Variants in WNK2 observed in about 807,000 individuals in gnomAD.
WNK2 encodes the protein serine/threonine-protein kinase WNK2.
Under a neutral mutation model 192.1 loss-of-function variants are expected in WNK2, and 67 were observed. That is an observed-to-expected ratio of 0.35 (90% CI 0.29 to 0.43). The LOEUF is 0.43. WNK2 is among the 20% of genes least tolerant of loss of function. WNK2 has a pLI of 1.00. For missense variants in WNK2, 2,698 were observed against 3,089.7 expected (o/e 0.87, Z 3.01); for synonymous variants, 1,439 against 1,393.9 (o/e 1.03, Z -0.72).
At chr9:93,309,262 T>A in intron 28 of WNK2, 1 of 397,420 alleles carries the variant, frequency 2.5e-6, no homozygotes, top group Non-Finnish European at 3.4e-6. Flanking sequence ...TCTTTAACCT[T>A]AAAATTTATT....
intron 2 of WNK2, among the ~76,000 whole-genome samples, chr9:93,203,415 T>A (rs950209549): frequency 6.6e-6 from 1 of 151,926 alleles, no homozygotes; most frequent in Admixed American, 6.5e-5. Flanking sequence ...AGATTTTCAC[T>A]GAAAGAAAGA....
chr9:93,312,209 A>G (rs1450993310), intron 28 of WNK2, among the ~76,000 whole-genome samples: 2 of 152,220 alleles, frequency 1.3e-5, no homozygotes, highest in Non-Finnish European at 2.9e-5. Flanking sequence ...TGGATGCACG[A>G]AAGTTTTAAA....
intron 2 of WNK2, among the ~76,000 whole-genome samples, chr9:93,211,278 C>A (rs377524778): frequency 2.0e-3 from 52 of 26,502 alleles, no homozygotes; most frequent in South Asian, 5.3e-3. Context: ...ACTCACTCAT[C>A]CACTCACTCA....
chr9:93,221,490 A>G (rs1047557279), intron 2 of WNK2, among the ~76,000 whole-genome samples: 8 of 152,356 alleles, frequency 5.3e-5, no homozygotes, highest in Middle Eastern at 3.4e-3. Context: ...GAAGGTGGAC[A>G]GAACGATGCT....
intron 12 of WNK2, 39 bp from the exon 13 acceptor site, chr9:93,261,775 C>T (rs373965052): frequency 5.9e-5 from 92 of 1,553,368 alleles, no homozygotes; most frequent in Admixed American, 1.9e-4. Context: ...GTGAAGGCAG[C>T]GCCGGCCCTG....
At chr9:93,205,860 C>T (rs1258848816) in intron 2 of WNK2, among the ~76,000 whole-genome samples, 1 of 152,110 alleles carries the variant, frequency 6.6e-6, no homozygotes. Context: ...CCAGTGCCTT[C>T]TGGCAGCCTC....
intron 8 of WNK2, among the ~76,000 whole-genome samples, chr9:93,249,048 C>T (rs1444654499): frequency 6.6e-6 from 1 of 152,206 alleles, no homozygotes; most frequent in Non-Finnish European, 1.5e-5. Flanking sequence ...CTATTTATGT[C>T]ACTCGAACCT....
At chr9:93,304,560 A>C (rs1204503470) in intron 26 of WNK2, among the ~76,000 whole-genome samples, 2 of 152,172 alleles carry the variant, frequency 1.3e-5, no homozygotes, top group Admixed American at 1.3e-4. Context: ...CAGCCTCCTG[A>C]AAGTTTCCTT....
chr9:93,231,477 T>C (rs1838790095), intron 4 of WNK2, among the ~76,000 whole-genome samples: 2 of 152,166 alleles, frequency 1.3e-5, no homozygotes, highest in Non-Finnish European at 2.9e-5. Context: ...TGGGTGCCGA[T>C]GCTCGTGGTG....
intron 2 of WNK2, among the ~76,000 whole-genome samples, chr9:93,187,455 A>C (rs909593834): frequency 1.3e-5 from 2 of 152,110 alleles, no homozygotes; most frequent in Non-Finnish European, 2.9e-5. Flanking sequence ...CATCTCCCCC[A>C]AAAGAAGTAC....
At chr9:93,264,410 C>T (rs144876538) in intron 16 of WNK2, among the ~76,000 whole-genome samples, 2 of 152,276 alleles carry the variant, frequency 1.3e-5, no homozygotes, top group Admixed American at 6.5e-5. Flanking sequence ...CCAGCCTCCC[C>T]AGCTGGAGTG....
chr9:93,285,788 A>C (rs962210303), intron 19 of WNK2, among the ~76,000 whole-genome samples: 1 of 152,236 alleles, frequency 6.6e-6, no homozygotes, highest in Non-Finnish European at 1.5e-5. Flanking sequence ...GTTGTGACTC[A>C]TATAAACCTG....
chr9:93,299,198 G>A lies in WNK2; in HGVS notation c.6052G>A (p.Ala2018Thr). Residue 2018 changes from alanine to threonine, a missense_variant, in exon 25 of 30, where the codon GCC (alanine) becomes ACC (threonine). Around this residue, in one of 7 missense-constraint regions of WNK2, gnomAD observed 1,098 missense variants for 1,101.0 expected, o/e 1.00. Transcript: ENST00000427277. Reference protein sequence around the residue: ...VQTQQPCSVRASLSSDICSGL... With the variant: ...VQTQQPCSVRTSLSSDICSGL... ...GACCCAGCAGCCCTGCTCCGTCCGG[G>A]CCTCCCTGTCTTCGGACATCTGCTC... The A allele has an allele frequency of 1.2e-6, 2 of 1,601,272 alleles. No homozygotes were observed. The highest frequency in any genetic ancestry group is 2.2e-5 in the East Asian group (1 of 44,512).
At chr9:93,187,546 G>A (rs1160022330) in intron 2 of WNK2, among the ~76,000 whole-genome samples, 1 of 152,170 alleles carries the variant, frequency 6.6e-6, no homozygotes, top group Non-Finnish European at 1.5e-5. Context: ...TTCCATGAGA[G>A]GGAGTCTGGA....
intron 2 of WNK2, among the ~76,000 whole-genome samples, chr9:93,214,266 C>A (rs1835294719): frequency 1.3e-5 from 2 of 151,714 alleles, no homozygotes; most frequent in East Asian, 3.9e-4. Context: ...TAGTTTTTTT[C>A]TTCATCATCA....
intron 2 of WNK2, among the ~76,000 whole-genome samples, chr9:93,192,246 G>A (rs1214414280): frequency 1.3e-5 from 2 of 151,870 alleles, no homozygotes; most frequent in Non-Finnish European, 2.9e-5. Context: ...CCCAGGAGGC[G>A]GAGGTTGAGT....
Position 93,289,155 on chromosome 9 carries a change from C to T in WNK2, c.4401C>T (p.Asp1467=), listed in dbSNP as rs1396555982. Residue 1467 remains aspartate (D), a synonymous_variant, in exon 20 of 30, where the codon GAC becomes GAT. Transcript: ENST00000427277. Reference sequence around the variant, plus strand: ...CTCCAGAGGCTGCCTCAACCAGGGACGCCAGTGCCCCAAGGGAGCCCCTGC... The same window carrying T: ...CTCCAGAGGCTGCCTCAACCAGGGATGCCAGTGCCCCAAGGGAGCCCCTGC... The part of the protein sequence containing the change: ...TPAPEAASTR[D]ASAPREPLPP... 2.5e-5 allele frequency: 40 copies of T among 1,599,824 alleles called. No individual in the cohort carries two copies. Among genetic ancestry groups the T allele is most frequent in the African/African-American group, 4.0e-5 (3 of 74,724 alleles).
chr9:93,236,602 T>C (rs963737190), intron 5 of WNK2, among the ~76,000 whole-genome samples: 55 of 152,378 alleles, frequency 3.6e-4, no homozygotes, highest in African/African-American at 1.1e-3. Flanking sequence ...AAGCAGCACC[T>C]GGCCCCGCCC....
In WNK2 at chr9:93,289,476, C is replaced by T. The variant is rs1399320419; in HGVS notation, c.4722C>T (p.Thr1574=). 1 of 1,611,834 alleles carries T rather than the reference C, an allele frequency of 6.2e-7. No homozygotes were observed. The highest frequency in any genetic ancestry group is 1.3e-5 in the African/African-American group (1 of 74,916). Residue 1574 remains threonine (T), a synonymous_variant, in exon 20 of 30, where the codon ACC becomes ACT. Coordinates refer to ENST00000427277, the MANE Select transcript of WNK2 (RefSeq NM_006648.4). ...CCACCTCCTCAGCCTCAGCTGGGAC[C>T]CCTGTGGAGGTGGGCGACAGAGACT... ...HVPTSSASAG[T]PVEVGDRDFT... is the part of the protein sequence containing the mutation.
Sources: allele counts gnomAD v4.1 joint callset (sites outside exome capture counted in the v4.1 genomes callset), GRCh38; gene constraint gnomAD v4.1.1; regional missense constraint gnomAD v4.1.1; transcripts MANE v1.5; gene names NCBI Gene and HGNC (gene_info 2026-07-23, HGNC 2026-07-21).